LCLAT1: variants seen among roughly 807,000 people sequenced by gnomAD.
LCLAT1 encodes 1-AGP acyltransferase 8.
Under a neutral mutation model 30.7 loss-of-function variants are expected in LCLAT1, and 11 were observed. The ratio of observed to expected loss-of-function variants is 0.36; its 90% confidence interval spans 0.23 to 0.59. LCLAT1 has a LOEUF of 0.59. LCLAT1 is among the 20% of genes least tolerant of loss of function. The pLI is 0.77. For missense variants in LCLAT1, 402 were observed against 458.6 expected, an observed-to-expected ratio of 0.88 and a Z score of 1.13; for synonymous variants, 155 against 151.3, an observed-to-expected ratio of 1.02 and a Z score of -0.18.
intron 5 of LCLAT1, among the ~76,000 whole-genome samples, chr2:30,588,225 G>T (rs890324452): frequency 1.3e-5 from 2 of 152,210 alleles, no homozygotes. Flanking sequence ...GCCTCTCTCT[G>T]TCCTGAAGGA....
chr2:30,572,694 A>G (rs1379612820), intron 5 of LCLAT1, among the ~76,000 whole-genome samples: 1 of 152,084 alleles, frequency 6.6e-6, no homozygotes, highest in Non-Finnish European at 1.5e-5. Flanking sequence ...AATGCTAAAA[A>G]AAATTATTCT....
chr2:30,622,279 C>T (rs975063858), intron 5 of LCLAT1, among the ~76,000 whole-genome samples: 1 of 152,198 alleles, frequency 6.6e-6, no homozygotes, highest in East Asian at 1.9e-4. Flanking sequence ...TGAGCTCAGA[C>T]CAGCCTAACC....
At position 30,474,799 on chromosome 2, in the gene LCLAT1, C is replaced by T. The variant is rs143702797; in HGVS notation, c.-5+27416C>T. Among the ~76,000 whole-genome samples, 483 of 151,282 alleles carry T rather than the reference C, an allele frequency of 3.2e-3. 5 individuals are homozygous for T. Among genetic ancestry groups the T allele is most frequent in the African/African-American group, 0.01 (422 of 41,210 alleles). On this transcript the variant is annotated intron_variant, in intron 1 of 5. Coordinates refer to ENST00000379509, the MANE Select transcript of LCLAT1 (RefSeq NM_001002257.3). Reference sequence around the variant, plus strand: ...GTGTAGTTGGGATCACAGGTGTGCACCACCACACATGGCTAATTTTTAAAA... The same window carrying T: ...GTGTAGTTGGGATCACAGGTGTGCATCACCACACATGGCTAATTTTTAAAA...
intron 1 of LCLAT1, among the ~76,000 whole-genome samples, chr2:30,513,698 C>T (rs1031382493): frequency 2.6e-5 from 4 of 152,150 alleles, no homozygotes; most frequent in East Asian, 1.9e-4. Context: ...CCATTCTATT[C>T]GTAGTCACCC....
At chr2:30,634,353 C>T (rs574653511) in intron 5 of LCLAT1, among the ~76,000 whole-genome samples, 8 of 152,290 alleles carry the variant, frequency 5.3e-5, no homozygotes, top group Non-Finnish European at 1.0e-4. Flanking sequence ...TGGCCATGCG[C>T]GGCGGCTCAC....
At chr2:30,608,546 T>C (rs571326510) in intron 5 of LCLAT1, among the ~76,000 whole-genome samples, 7 of 152,182 alleles carry the variant, frequency 4.6e-5, no homozygotes, top group African/African-American at 1.4e-4. Context: ...AGAGGTATAC[T>C]ATTTTTTATC....
chr2:30,564,200 T>C (rs1428817011), intron 4 of LCLAT1, among the ~76,000 whole-genome samples: 1 of 152,156 alleles, frequency 6.6e-6, no homozygotes, highest in African/African-American at 2.4e-5. Context: ...TAAATTTTGA[T>C]ATTGAAATAT....
At chr2:30,507,287 T>A (rs1684712406) in intron 1 of LCLAT1, among the ~76,000 whole-genome samples, 1 of 152,148 alleles carries the variant, frequency 6.6e-6, no homozygotes, top group African/African-American at 2.4e-5. Flanking sequence ...CAAAAAATAA[T>A]TTTAACAGGG....
chr2:30,530,749 G>T (rs1171483585), intron 2 of LCLAT1, among the ~76,000 whole-genome samples: 1 of 152,096 alleles, frequency 6.6e-6, no homozygotes, highest in East Asian at 1.9e-4. Flanking sequence ...TTGCTATGTT[G>T]CCTAGGCTAG....
intron 1 of LCLAT1, among the ~76,000 whole-genome samples, chr2:30,467,765 G>T (rs537321287): frequency 6.6e-6 from 1 of 152,232 alleles, no homozygotes; most frequent in African/African-American, 2.4e-5. Context: ...CATATCCTTC[G>T]CCCACTTTTT....
intron 1 of LCLAT1, among the ~76,000 whole-genome samples, chr2:30,500,107 A>T (rs187879338): frequency 2.3e-3 from 343 of 152,330 alleles, no homozygotes; most frequent in Middle Eastern, 6.8e-3. Flanking sequence ...AGTAACATTT[A>T]CACCGAATTC....
At chr2:30,468,902 C>G (rs1682619539) in intron 1 of LCLAT1, among the ~76,000 whole-genome samples, 2 of 152,166 alleles carry the variant, frequency 1.3e-5, no homozygotes, top group African/African-American at 4.8e-5. Context: ...TTTCTGCATC[C>G]TTACCAATGC....
At chr2:30,462,904 T>C (rs1013848709) in intron 1 of LCLAT1, among the ~76,000 whole-genome samples, 2 of 152,154 alleles carry the variant, frequency 1.3e-5, no homozygotes, top group African/African-American at 4.8e-5. Flanking sequence ...TTTTGGTAAA[T>C]AGATAGTTTT....
At position 30,455,982 on chromosome 2, in the gene LCLAT1, G is replaced by A. The variant is rs1314931725; in HGVS notation, c.-5+8599G>A. 2.7e-5 allele frequency among the ~76,000 whole-genome samples: 4 copies of A among 150,288 alleles called. No homozygotes were observed. In the East Asian group the frequency reaches 7.9e-4, roughly 30 times the overall value. ...TTCTGTTTTCTGGAAGAGATTGTGT[G>A]AATTGATCTTAATTCTTTAAACATT... On this transcript the variant is annotated intron_variant, in intron 1 of 5. Transcript: ENST00000379509.
intron 3 of LCLAT1, among the ~76,000 whole-genome samples, chr2:30,561,463 G>A (rs1172023293): frequency 2.6e-5 from 4 of 152,158 alleles, no homozygotes; most frequent in Non-Finnish European, 4.4e-5. Flanking sequence ...GGTATCTACT[G>A]TAGTAGTCTG....
intron 5 of LCLAT1, among the ~76,000 whole-genome samples, chr2:30,585,704 T>C (rs764057002): frequency 3.9e-5 from 6 of 152,204 alleles, no homozygotes; most frequent in Non-Finnish European, 8.8e-5. Context: ...GGTTATACTC[T>C]GTGGTCCATT....
chr2:30,566,877 C>G (rs549087762), intron 4 of LCLAT1, among the ~76,000 whole-genome samples: 1 of 152,320 alleles, frequency 6.6e-6, no homozygotes, highest in South Asian at 2.1e-4. Context: ...ATGTACTTGA[C>G]TCCGTAACTA....
At chr2:30,512,458 G>A (rs922130917) in intron 1 of LCLAT1, among the ~76,000 whole-genome samples, 1 of 152,088 alleles carries the variant, frequency 6.6e-6, no homozygotes, top group African/African-American at 2.4e-5. Flanking sequence ...CCAGTTGGGT[G>A]AGGTCAAGGG....
intron 5 of LCLAT1, among the ~76,000 whole-genome samples, chr2:30,603,158 G>A (rs1572684610): frequency 6.6e-6 from 1 of 152,054 alleles, no homozygotes; most frequent in South Asian, 2.1e-4. Flanking sequence ...TTTAAAATAT[G>A]TGTGGCACAG....
Sources: gnomAD v4.1 joint callset for allele counts (sites outside exome capture counted in the v4.1 genomes callset) on GRCh38, gnomAD v4.1.1 for gene constraint, MANE v1.5 for transcripts, NCBI Gene and HGNC (gene_info 2026-07-23, HGNC 2026-07-21) for gene names.